Variants in RND2 observed in about 807,000 individuals in gnomAD.
The protein encoded by RND2 is rho-related GTP-binding protein RhoN.
In RND2, 16 loss-of-function variants were observed where a neutral mutation model predicts 25.9. The ratio of observed to expected loss-of-function variants is 0.62; its 90% CI spans 0.42 to 0.94. The LOEUF (loss-of-function observed/expected upper bound fraction) is 0.94, where lower values mean the gene tolerates loss of function less well. RND2 is among the 40% of genes least tolerant of loss of function. RND2 has a pLI of 0.00. For synonymous variants in RND2, 97 were observed against 118.1 expected, an observed-to-expected ratio of 0.82 and a Z score of 1.16; for missense variants, 276 against 305.5, an observed-to-expected ratio of 0.90 and a Z score of 0.72.
At chr17:43,028,236 GTCACC>G in intron 4 of RND2, 41 bp downstream of exon 4, 1 of 1,611,814 alleles carries the variant, frequency 6.2e-7, no homozygotes, top group Non-Finnish European at 8.5e-7. Flanking sequence ...GCCTAGACCT[GTCACC>G]TCTGCCCCTT....
chr17:43,026,122 GT>G, intron 2 of RND2, 75 bp downstream of exon 2: 1 of 1,014,136 alleles, frequency 9.9e-7, no homozygotes, highest in Non-Finnish European at 1.5e-6. Context: ...AGACCCTTAG[GT>G]TCCAGGTAAG....
Position 43,025,307 on chromosome 17 carries a change from G to T in RND2, c.-41G>T. On this transcript the variant is annotated 5_prime_UTR_variant, in exon 1 of 5. Transcript: ENST00000587250. ...GGCGGGGGAGGCGGCGGCGGGGCCC[G>T]GGAGAGGGGTGGCGTGGGGGACCGG... is the stretch of plus-strand genomic sequence containing the variant. 6 of 1,478,270 alleles carry T rather than the reference G, an allele frequency of 4.1e-6. No individual in the cohort carries two copies. Among genetic ancestry groups the T allele is most frequent in the Non-Finnish European group, 5.4e-6 (6 of 1,110,988 alleles). 91.6% of individuals were successfully genotyped at this position (1,478,270 alleles called of 1,614,324 possible). A position where few individuals can be genotyped will look rare whatever the true frequency, so the allele number is the denominator to read the frequency against.
intron 3 of RND2, 128 bp downstream of exon 3, chr17:43,027,420 T>C: frequency 1.6e-6 from 1 of 625,226 alleles, no homozygotes; most frequent in South Asian, 2.1e-5. Flanking sequence ...CGAGTGAAGC[T>C]CTCATCCCTG....
chr17:43,027,280 T>C lies in RND2; in HGVS notation c.288T>C (p.Ser96=). 1 of 1,610,350 alleles carries C rather than the reference T, an allele frequency of 6.2e-7. No individual in the cohort carries two copies. Among genetic ancestry groups the C allele is most frequent in the Non-Finnish European group, 8.5e-7 (1 of 1,177,846 alleles). ...FDISRPETLD[S]VLKKWQGETQ... is the part of the protein sequence containing the mutation. ...TTAGCCGACCAGAAACACTGGACAG[T>C]GTTCTCAAGAAGGTGGGAGCCTGGG... The change falls in exon 3 of 5, where the codon AGT becomes AGC. Residue 96 remains serine (S), a synonymous_variant. Coordinates refer to ENST00000587250, the MANE Select transcript of RND2 (RefSeq NM_005440.5).
intron 3 of RND2, among the ~76,000 whole-genome samples, chr17:43,027,847 C>T (rs915945): frequency 0.29 from 44,733 of 152,004 alleles, 7,186 homozygotes; most frequent in South Asian, 0.49. Flanking sequence ...CACAGGCCCA[C>T]GCCAGCCCTC....
Position 43,027,245 on chromosome 17 carries a change from T to C in RND2, c.253T>C (p.Cys85Arg), listed in dbSNP as rs747107214. 58 of 1,613,188 alleles carry C rather than the reference T, an allele frequency of 3.6e-5. No homozygotes were observed. Among genetic ancestry groups the C allele is most frequent in the Non-Finnish European group, 4.9e-5 (58 of 1,179,550 alleles). ...TCCTGATTCTGATGCTGTGCTCATC[T>C]GCTTCGACATTAGCCGACCAGAAAC... is the stretch of plus-strand genomic sequence containing the variant. ...AYPDSDAVLI[C>R]FDISRPETLD... The change falls in exon 3 of 5, where the codon TGC becomes CGC. Residue 85 changes from cysteine to arginine, a missense_variant. By Grantham distance (180) the Cys-to-Arg change is radical. Transcript: ENST00000587250.
intron 1 of RND2, 44 bp downstream of exon 1, chr17:43,025,493 G>A: frequency 6.5e-7 from 1 of 1,534,862 alleles, no homozygotes; most frequent in Non-Finnish European, 8.8e-7. Flanking sequence ...AGGCTGCTGG[G>A]GGGTGGGTGA....
At position 43,028,487 on chromosome 17, in the gene RND2, G is replaced by C; in HGVS notation, c.491G>C (p.Arg164Pro). ...GAVSYVECSS[R>P]SSERSVRDVF... Reference sequence around the variant, plus strand: ...GTGTCCTATGTTGAGTGCTCCTCCCGGTCCTCTGAGCGCAGCGTCAGGGAT... The same window carrying C: ...GTGTCCTATGTTGAGTGCTCCTCCCCGTCCTCTGAGCGCAGCGTCAGGGAT... Residue 164 changes from arginine to proline, a missense_variant, in exon 5 of 5, where the codon CGG becomes CCG. Arg to Pro is a moderately radical substitution (Grantham distance 103). Coordinates refer to ENST00000587250, the MANE Select transcript of RND2 (RefSeq NM_005440.5). 1 of 1,614,210 alleles carries C rather than the reference G, an allele frequency of 6.2e-7. No individual in the cohort carries two copies. Among genetic ancestry groups the C allele is most frequent in the Non-Finnish European group, 8.5e-7 (1 of 1,180,046 alleles).
intron 3 of RND2, among the ~76,000 whole-genome samples, chr17:43,027,751 T>C (rs992873835): frequency 3.9e-5 from 6 of 152,132 alleles, no homozygotes; most frequent in African/African-American, 1.4e-4. Context: ...ATAAATTTGT[T>C]CCCAGGAGAG....
chr17:43,027,852 G>A (rs546606437), intron 3 of RND2, among the ~76,000 whole-genome samples: 12 of 152,154 alleles, frequency 7.9e-5, no homozygotes, highest in Non-Finnish European at 1.3e-4. Flanking sequence ...GCCCACGCCA[G>A]CCCTCTCCTC....
At chr17:43,027,576 G>A (rs2050633841) in intron 3 of RND2, among the ~76,000 whole-genome samples, 1 of 152,200 alleles carries the variant, frequency 6.6e-6, no homozygotes, top group African/African-American at 2.4e-5. Context: ...CCTTGGCAGT[G>A]GGAGTCCCAG....
At chr17:43,026,126 C>A (rs1210765715) in intron 2 of RND2, 79 bp downstream of exon 2, 2 of 910,372 alleles carry the variant, frequency 2.2e-6, no homozygotes, top group Non-Finnish European at 3.6e-6. Flanking sequence ...CCTTAGGTTC[C>A]AGGTAAGCCC....
At chr17:43,027,933 GGA>G (rs2050637143) in intron 3 of RND2, 126 bp from the exon 4 acceptor site, 5 of 1,092,832 alleles carry the variant, frequency 4.6e-6, no homozygotes, top group African/African-American at 3.1e-5. Flanking sequence ...TCCTCATGTG[GGA>G]GAGTCCTGAG....
In RND2 at chr17:43,031,547, G is replaced by T. The variant is rs150790762; in HGVS notation, c.*2867G>T. The T allele has an allele frequency of 2.6e-5, 4 of 152,308 alleles. No homozygotes were observed. Among genetic ancestry groups the T allele is most frequent in the Non-Finnish European group, 4.4e-5 (3 of 68,034 alleles). 9.4% of individuals were successfully genotyped at this position (152,308 alleles called of 1,614,324 possible). On this transcript the variant is annotated 3_prime_UTR_variant, in exon 5 of 5. Transcript: ENST00000587250. Reference sequence around the variant, plus strand: ...TCTCTTTTCCACTTTGGACTTCTCAGTGTATAGCAGGTTCAAGCCTGCAAC... The same window carrying T: ...TCTCTTTTCCACTTTGGACTTCTCATTGTATAGCAGGTTCAAGCCTGCAAC...
In RND2 at chr17:43,025,429, G is replaced by A. The variant is rs144102422; in HGVS notation, c.82G>A (p.Ala28Thr). Residue 28 changes from alanine (A) to threonine (T), a missense_variant, in exon 1 of 5, where the codon GCC becomes ACC. Ala to Thr is a moderately conservative substitution (Grantham distance 58). Transcript: ENST00000587250. Reference sequence around the variant, plus strand: ...CAAGACGGCGCTGCTGCAGGTGTTCGCCAAGGACGCCTATCCCGGGGTGAG... The same window carrying A: ...CAAGACGGCGCTGCTGCAGGTGTTCACCAAGGACGCCTATCCCGGGGTGAG... ...CGKTALLQVF[A>T]KDAYPGSYVP... 9.0e-6 allele frequency: 14 copies of A among 1,549,446 alleles called. No individual in the cohort carries two copies. The highest frequency in any genetic ancestry group is 1.2e-5 in the Non-Finnish European group (14 of 1,146,570).
In RND2 at chr17:43,028,348, A is replaced by G. The variant is rs548236950; in HGVS notation, c.436-84A>G. The stretch of plus-strand genomic sequence containing the variant: ...TGACTGCCCCCAGCCTTGACATTCA[A>G]CCCCAGCCCACAGCCTCCATGCCCC... On this transcript the variant is annotated intron_variant, in intron 4 of 4. Coordinates refer to ENST00000587250, the MANE Select transcript of RND2 (RefSeq NM_005440.5). 1.9e-5 allele frequency: 30 copies of G among 1,585,624 alleles called. No individual in the cohort carries two copies. In the Middle Eastern group the frequency reaches 6.7e-4, roughly 36 times the overall value.
At chr17:43,025,887 GGA>G (rs915950901) in intron 1 of RND2, 71 bp from the exon 2 acceptor site, 1 of 1,158,196 alleles carries the variant, frequency 8.6e-7, no homozygotes, top group Non-Finnish European at 1.3e-6. Flanking sequence ...ACGGGGTGTG[GGA>G]GTGAGGAGGG....
chr17:43,027,167 C>T lies in RND2; in HGVS notation c.191-16C>T. On this transcript the variant is annotated splice_polypyrimidine_tract_variant and intron_variant, in intron 2 of 4. Transcript: ENST00000587250. The stretch of plus-strand genomic sequence containing the variant: ...CTCCCATCCACTCAGGCCCCTCATG[C>T]CCTGTCTTCCTTCAGGTTCCTCTTA... The T allele has an allele frequency of 6.4e-7, 1 of 1,555,002 alleles. No homozygotes were observed. The highest frequency in any genetic ancestry group is 8.8e-7 in the Non-Finnish European group (1 of 1,137,460).
rs778800457 is a variant in RND2, at chr17:43,025,959, G to C, written c.103-1G>C. On this transcript the variant is annotated splice_acceptor_variant, in intron 1 of 4. Transcript: ENST00000587250. LOFTEE classifies it high-confidence loss of function. ...TCATCTGGATCCATCCGTGTCTGCA[G>C]AGTTATGTCCCCACCGTGTTTGAGA... 6.2e-7 allele frequency: 1 copy of C among 1,610,564 alleles called. No individual in the cohort carries two copies. Among genetic ancestry groups the C allele is most frequent in the Non-Finnish European group, 8.5e-7 (1 of 1,177,208 alleles).
Sources: allele counts gnomAD v4.1 joint callset (sites outside exome capture counted in the v4.1 genomes callset), GRCh38; gene constraint gnomAD v4.1.1; transcripts MANE v1.5; gene names NCBI Gene and HGNC (gene_info 2026-07-23, HGNC 2026-07-21).